The following BLVRA variants were observed in gnomAD, a reference collection of about 807,000 sequenced individuals.
The protein encoded by BLVRA is biliverdin reductase A, also known as BVR A.
In BLVRA, 22 loss-of-function variants were observed where a neutral mutation model predicts 32.8. The observed-to-expected ratio is 0.67, with a 90% CI of 0.48 to 0.96. The LOEUF (loss-of-function observed/expected upper bound fraction) is 0.96, where lower values mean the gene tolerates loss of function less well. Among genes scored for constraint, BLVRA ranks in the 40% least tolerant of loss-of-function variants. The pLI, the probability that BLVRA is intolerant of heterozygous loss-of-function variation, is 0.00. For missense variants in BLVRA, 323 were observed against 358.1 expected (o/e 0.90, Z 0.79); for synonymous variants, 119 against 141.3 (o/e 0.84, Z 1.12).
At chr7:43,770,536 C>T (rs1265268490) in intron 1 of BLVRA, among the ~76,000 whole-genome samples, 1 of 152,034 alleles carries the variant, frequency 6.6e-6, no homozygotes, top group Admixed American at 6.6e-5. Context: ...GTTGAGGACC[C>T]CTGTTAAGCC....
At chr7:43,799,410 A>G (rs971264960) in intron 5 of BLVRA, among the ~76,000 whole-genome samples, 1 of 152,206 alleles carries the variant, frequency 6.6e-6, no homozygotes, top group African/African-American at 2.4e-5. Context: ...GAAATGAAAA[A>G]ATTTTTATAG....
In BLVRA at chr7:43,760,770, C is replaced by CTTTT. The variant is rs34256119; in HGVS notation, c.-22+2049_-22+2052dup. On this transcript the variant is annotated intron_variant, in intron 1 of 7. Coordinates refer to ENST00000265523, the MANE Select transcript of BLVRA (RefSeq NM_000712.4). ...AGTTCCTGACAATGTCCTCTTGAGTCTTTTTTTTTTTTTTTTGAGATGGAG... is the reference window on the plus strand; with the variant it reads ...AGTTCCTGACAATGTCCTCTTGAGTCTTTTTTTTTTTTTTTTTTTTGAGATGGAG... Among the ~76,000 whole-genome samples, 4 of 133,158 alleles carry CTTTT rather than the reference C, an allele frequency of 3.0e-5. No homozygotes were observed. The Admixed American group carries it at 3.0e-4, about 10-fold the overall frequency. 87.4% of individuals were successfully genotyped at this position (133,158 alleles called of 152,430 possible). A position where few individuals can be genotyped will look rare whatever the true frequency, so the allele number is the denominator to read the frequency against.
At chr7:43,792,422 T>C (rs988254908) in intron 4 of BLVRA, among the ~76,000 whole-genome samples, 8 of 152,238 alleles carry the variant, frequency 5.3e-5, no homozygotes, top group African/African-American at 1.9e-4. Flanking sequence ...TGTTAATGTG[T>C]CTTTATTTCT....
At position 43,762,606 on chromosome 7, in the gene BLVRA, C is replaced by CTT. The variant is rs1162480081; in HGVS notation, c.-22+3894_-22+3895dup. On this transcript the variant is annotated intron_variant, in intron 1 of 7. Transcript: ENST00000265523. ...GTGATTTCCATGAACCCAGTAGTTCCTTTTTTTTTTTTTTTTTTTTTTTAA... is the reference window on the plus strand; with the variant it reads ...GTGATTTCCATGAACCCAGTAGTTCCTTTTTTTTTTTTTTTTTTTTTTTTTAA... 5.1e-3 allele frequency among the ~76,000 whole-genome samples: 511 copies of CTT among 100,818 alleles called. 19 individuals carry two copies. Among genetic ancestry groups the CTT allele is most frequent in the African/African-American group, 0.018 (402 of 22,144 alleles). The allele number at this position is 100,818 out of a possible 152,430, so 66.1% of individuals were successfully genotyped here. A position where few individuals can be genotyped will look rare whatever the true frequency, so the allele number is the denominator to read the frequency against.
chr7:43,786,630 A>G (rs1027114321), intron 2 of BLVRA, among the ~76,000 whole-genome samples: 5 of 152,258 alleles, frequency 3.3e-5, no homozygotes, highest in African/African-American at 1.2e-4. Context: ...CACATCCCGT[A>G]TCATAAAATA....
At chr7:43,799,998 C>A (rs1299179013) in intron 5 of BLVRA, among the ~76,000 whole-genome samples, 1 of 151,960 alleles carries the variant, frequency 6.6e-6, no homozygotes, top group African/African-American at 2.4e-5. Flanking sequence ...CTCTGTCGCC[C>A]AGGCTGGAGT....
intron 7 of BLVRA, among the ~76,000 whole-genome samples, chr7:43,806,073 G>A (rs2095803753): frequency 6.6e-6 from 1 of 152,224 alleles, no homozygotes; most frequent in Admixed American, 6.5e-5. Flanking sequence ...AGCACTTTGG[G>A]AGGCTAAGGC....
intron 2 of BLVRA, among the ~76,000 whole-genome samples, chr7:43,784,262 G>C (rs1266433218): frequency 1.1e-4 from 16 of 152,198 alleles, no homozygotes; most frequent in Admixed American, 9.8e-4. Context: ...AAATGGAACT[G>C]TGGATGTCCT....
At chr7:43,777,682 G>A in intron 2 of BLVRA, among the ~76,000 whole-genome samples, 1 of 152,072 alleles carries the variant, frequency 6.6e-6, no homozygotes. Context: ...GAATCTGAAT[G>A]TTGGCCTGCC....
rs770706689 is a variant in BLVRA at position 43,769,607 on chromosome 7, C to CT, written c.-21-1518dup. Among the ~76,000 whole-genome samples, 791 of 144,432 alleles carry CT rather than the reference C, an allele frequency of 5.5e-3. 7 individuals carry two copies. Among genetic ancestry groups the CT allele is most frequent in the African/African-American group, 0.016 (638 of 39,642 alleles). The allele number at this position is 144,432 out of a possible 152,430, so 94.8% of individuals were successfully genotyped here. ...GGAGTTGCCGAAAGCAGGCTATTTTCTTTTTTTTTTTTTCTTTGAGACAGA... is the reference window on the plus strand; with the variant it reads ...GGAGTTGCCGAAAGCAGGCTATTTTCTTTTTTTTTTTTTTCTTTGAGACAGA... On this transcript the variant is annotated intron_variant, in intron 1 of 7. Coordinates refer to ENST00000265523, the MANE Select transcript of BLVRA (RefSeq NM_000712.4).
intron 5 of BLVRA, among the ~76,000 whole-genome samples, chr7:43,796,792 C>T (rs2095793335): frequency 6.6e-6 from 1 of 152,158 alleles, no homozygotes; most frequent in Non-Finnish European, 1.5e-5. Context: ...AAGATATCTG[C>T]AAATCTTATC....
chr7:43,760,960 G>C (rs1182210414), intron 1 of BLVRA, among the ~76,000 whole-genome samples: 1 of 152,008 alleles, frequency 6.6e-6, no homozygotes, highest in Non-Finnish European at 1.5e-5. Flanking sequence ...GTAGAGACAG[G>C]GTTTTGCCAT....
chr7:43,778,015 T>C (rs1294770286), intron 2 of BLVRA, among the ~76,000 whole-genome samples: 1 of 152,260 alleles, frequency 6.6e-6, no homozygotes. Flanking sequence ...AGCATTTCTC[T>C]GTATTGGTTA....
intron 2 of BLVRA, among the ~76,000 whole-genome samples, chr7:43,785,266 T>C (rs1036416437): frequency 6.6e-6 from 1 of 151,542 alleles, no homozygotes; most frequent in Admixed American, 6.6e-5. Context: ...TGATCATTAA[T>C]ATGTGTTTTG....
At chr7:43,804,065 G>C (rs1268262278) in intron 7 of BLVRA, among the ~76,000 whole-genome samples, 1 of 152,216 alleles carries the variant, frequency 6.6e-6, no homozygotes, top group African/African-American at 2.4e-5. Context: ...AATCCCATCT[G>C]CCAGTCAGTA....
chr7:43,788,251 A>C (rs2095780757), intron 3 of BLVRA, among the ~76,000 whole-genome samples: 1 of 152,196 alleles, frequency 6.6e-6, no homozygotes, highest in South Asian at 2.1e-4. Context: ...GGAGACTGGA[A>C]GACAGAGGCA....
At chr7:43,782,352 G>C (rs2095770923) in intron 2 of BLVRA, among the ~76,000 whole-genome samples, 1 of 152,210 alleles carries the variant, frequency 6.6e-6, no homozygotes, top group Non-Finnish European at 1.5e-5. Context: ...GCCACAGTCG[G>C]GCTTTGATCC....
chr7:43,762,534 G>A (rs774158692), intron 1 of BLVRA, among the ~76,000 whole-genome samples: 2 of 150,318 alleles, frequency 1.3e-5, no homozygotes, highest in Non-Finnish European at 2.9e-5. Flanking sequence ...TCTCTCCCAC[G>A]TGCAAATTGG....
chr7:43,788,860 A>G (rs909594151), intron 3 of BLVRA, among the ~76,000 whole-genome samples: 2 of 151,618 alleles, frequency 1.3e-5, no homozygotes, highest in African/African-American at 4.8e-5. Context: ...ACTGGTCTCA[A>G]ACTCCTGGGG....
Sources: gnomAD v4.1 joint callset for allele counts (sites outside exome capture counted in the v4.1 genomes callset) on GRCh38, gnomAD v4.1.1 for gene constraint, MANE v1.5 for transcripts, NCBI Gene and HGNC (gene_info 2026-07-23, HGNC 2026-07-21) for gene names.